DCDC1: variants seen among roughly 807,000 people sequenced by gnomAD.
The protein encoded by DCDC1 is doublecortin domain containing 1.
Under a neutral mutation model 178.3 loss-of-function variants are expected in DCDC1, and 200 were observed. That is an observed-to-expected ratio of 1.12 (90% CI 1.00 to 1.26). The LOEUF (loss-of-function observed/expected upper bound fraction) is 1.26. Among genes scored for constraint, DCDC1 ranks in the 50% most tolerant of loss-of-function variants. The pLI is 0.00. For synonymous variants in DCDC1, 690 were observed against 604.8 expected (o/e 1.14, Z -2.07); for missense variants, 1,983 against 1,749.2 (o/e 1.13, Z -2.38).
At chr11:31,038,622 G>A (rs559006413) in intron 20 of DCDC1, among the ~76,000 whole-genome samples, 1 of 152,292 alleles carries the variant, frequency 6.6e-6, no homozygotes, top group South Asian at 2.1e-4. Context: ...GAAGAGGAAA[G>A]TATCCAAAAA....
chr11:31,084,546 C>T (rs1167008100), intron 17 of DCDC1, among the ~76,000 whole-genome samples: 7 of 151,968 alleles, frequency 4.6e-5, no homozygotes, highest in African/African-American at 1.2e-4. Flanking sequence ...TCTAAATTTC[C>T]TATTTTGGCT....
chr11:31,061,703 T>C (rs1402264608), intron 20 of DCDC1, among the ~76,000 whole-genome samples: 1 of 152,166 alleles, frequency 6.6e-6, no homozygotes, highest in Non-Finnish European at 1.5e-5. Flanking sequence ...TCAATTCCTG[T>C]TGACTAAAAA....
chr11:31,234,849 A>C (rs1192137083), intron 9 of DCDC1, among the ~76,000 whole-genome samples: 1 of 152,138 alleles, frequency 6.6e-6, no homozygotes, highest in East Asian at 1.9e-4. Flanking sequence ...GTGGGTGTTG[A>C]AACTGTTCAG....
At chr11:31,321,214 C>A (rs1949323195) in intron 3 of DCDC1, among the ~76,000 whole-genome samples, 1 of 58,864 alleles carries the variant, frequency 1.7e-5, no homozygotes, top group African/African-American at 7.2e-5. Context: ...CTTTGTTTAC[C>A]TAAGCAAGCC....
At chr11:31,277,362 T>C (rs555933773) in intron 7 of DCDC1, among the ~76,000 whole-genome samples, 4 of 152,264 alleles carry the variant, frequency 2.6e-5, no homozygotes, top group South Asian at 2.1e-4. Flanking sequence ...ATTTGGCTAA[T>C]TGCAAATAAA....
At chr11:31,107,457 G>C (rs563031524) in intron 12 of DCDC1, among the ~76,000 whole-genome samples, 1 of 152,228 alleles carries the variant, frequency 6.6e-6, no homozygotes, top group East Asian at 1.9e-4. Flanking sequence ...CACTTACAAA[G>C]ATCTCTCCCT....
At chr11:30,869,655 T>G (rs138633446) in intron 38 of DCDC1, among the ~76,000 whole-genome samples, 4 of 152,058 alleles carry the variant, frequency 2.6e-5, no homozygotes, top group Non-Finnish European at 5.9e-5. Flanking sequence ...TAAAATGACA[T>G]GAGAAAGCTG....
intron 9 of DCDC1, among the ~76,000 whole-genome samples, chr11:31,208,171 C>T (rs1414133397): frequency 1.3e-5 from 2 of 152,114 alleles, no homozygotes; most frequent in South Asian, 2.1e-4. Flanking sequence ...TATCTCTTAC[C>T]CAGATCTCAT....
intron 1 of DCDC1, among the ~76,000 whole-genome samples, chr11:31,339,584 G>A (rs1004179312): frequency 2.6e-5 from 4 of 152,130 alleles, no homozygotes; most frequent in Admixed American, 6.6e-5. Context: ...AAAATTTTAT[G>A]AGAGCTGAGA....
intron 29 of DCDC1, among the ~76,000 whole-genome samples, chr11:30,907,971 G>T (rs1945187337): frequency 6.6e-6 from 1 of 152,142 alleles, no homozygotes; most frequent in South Asian, 2.1e-4. Flanking sequence ...ATGAGCTAAA[G>T]TTCTTCCTTC....
At chr11:31,158,972 A>G (rs897040046) in intron 9 of DCDC1, among the ~76,000 whole-genome samples, 6 of 152,156 alleles carry the variant, frequency 3.9e-5, no homozygotes, top group African/African-American at 1.2e-4. Flanking sequence ...TATACCAACA[A>G]AAAACATACC....
intron 20 of DCDC1, among the ~76,000 whole-genome samples, chr11:31,026,843 A>G (rs78108274): frequency 0.015 from 2,281 of 151,872 alleles, 43 homozygotes; most frequent in African/African-American, 0.052. Context: ...GAAAAGTTAT[A>G]TTTTAGAAAG....
intron 36 of DCDC1, among the ~76,000 whole-genome samples, chr11:30,890,015 G>T (rs974021778): frequency 1.3e-5 from 2 of 152,130 alleles, no homozygotes; most frequent in Non-Finnish European, 2.9e-5. Flanking sequence ...AGACGCCAGG[G>T]TTCTTTCTCT....
intron 9 of DCDC1, among the ~76,000 whole-genome samples, chr11:31,181,891 A>G (rs1968848338): frequency 6.6e-6 from 1 of 152,226 alleles, no homozygotes; most frequent in Admixed American, 6.5e-5. Flanking sequence ...TTAGAAAAGA[A>G]CATATATGGC....
intron 20 of DCDC1, among the ~76,000 whole-genome samples, chr11:30,998,244 A>G (rs1951380506): frequency 6.6e-6 from 1 of 152,156 alleles, no homozygotes. Flanking sequence ...GTGAGCCATG[A>G]TTGTGCCACT....
intron 30 of DCDC1, 183 bp downstream of exon 30, chr11:30,906,357 G>A (rs890441620): frequency 1.6e-6 from 1 of 616,590 alleles, no homozygotes; most frequent in African/African-American, 1.8e-5. Flanking sequence ...ACTATTAATA[G>A]ACAATGCATT....
At chr11:31,341,436 T>TAGATAGAC (rs1950543221) in intron 1 of DCDC1, among the ~76,000 whole-genome samples, 1 of 121,454 alleles carries the variant, frequency 8.2e-6, no homozygotes. Flanking sequence ...GATAGATAGA[T>TAGATAGAC]AGACATGTGT....
chr11:30,922,047 C>A (rs1391025779), intron 24 of DCDC1, among the ~76,000 whole-genome samples: 3 of 152,144 alleles, frequency 2.0e-5, no homozygotes, highest in African/African-American at 4.8e-5. Flanking sequence ...TCTGAACCAA[C>A]AGAAGGAACC....
chr11:31,101,777 TTTAAAAAA>T (rs1958516569), intron 15 of DCDC1, among the ~76,000 whole-genome samples: 3 of 73,282 alleles, frequency 4.1e-5, no homozygotes, highest in Non-Finnish European at 7.4e-5. Flanking sequence ...TAATTTATAG[TTTAAAAAA>T]ACTGTCACAG....
Sources: gnomAD v4.1 joint callset for allele counts (sites outside exome capture counted in the v4.1 genomes callset) on GRCh38, gnomAD v4.1.1 for gene constraint, MANE v1.5 for transcripts, NCBI Gene and HGNC (gene_info 2026-07-23, HGNC 2026-07-21) for gene names.